The following SOX5 variants were observed in gnomAD, a reference collection of about 807,000 sequenced individuals.
The protein encoded by SOX5 is SRY-box transcription factor 5.
Under a neutral mutation model 92.0 loss-of-function variants are expected in SOX5, and 9 were observed. The observed-to-expected ratio is 0.10, with a 90% confidence interval of 0.06 to 0.17. The LOEUF is 0.17. Ranked by LOEUF, SOX5 falls within the 10% of genes least tolerant of loss-of-function variation. The pLI is 1.00. For synonymous variants in SOX5, 344 were observed against 336.3 expected (o/e 1.02, Z -0.25); for missense variants, 642 against 944.5 (o/e 0.68, Z 4.20).
At chr12:23,639,715 A>G (rs544727422) in intron 8 of SOX5, among the ~76,000 whole-genome samples, 27 of 152,328 alleles carry the variant, frequency 1.8e-4, no homozygotes, top group African/African-American at 5.8e-4. Context: ...ACCTCTGTAG[A>G]ACACAGTATG....
intron 3 of SOX5, among the ~76,000 whole-genome samples, chr12:23,774,657 A>C (rs2141611872): frequency 6.6e-6 from 1 of 152,294 alleles, no homozygotes; most frequent in African/African-American, 2.4e-5. Flanking sequence ...GCAAAGAGAG[A>C]AAGTAAAGGC....
At chr12:23,665,837 A>G (rs1008413033) in intron 6 of SOX5, among the ~76,000 whole-genome samples, 2 of 152,130 alleles carry the variant, frequency 1.3e-5, no homozygotes, top group Non-Finnish European at 2.9e-5. Flanking sequence ...CGAAAATATC[A>G]CTACTTTGCA....
At chr12:24,123,899 T>G (rs1454502581) in intron 4 of SOX5, among the ~76,000 whole-genome samples, 1 of 152,154 alleles carries the variant, frequency 6.6e-6, no homozygotes, top group Non-Finnish European at 1.5e-5. Context: ...TGGTAGGCGA[T>G]CCCAATCTCA....
intron 6 of SOX5, among the ~76,000 whole-genome samples, chr12:23,681,303 G>T (rs1332245687): frequency 6.6e-6 from 1 of 151,370 alleles, no homozygotes; most frequent in African/African-American, 2.4e-5. Context: ...CTGATAAATA[G>T]AAAATATAAA....
At chr12:24,293,555 T>C (rs1444125674) in intron 2 of SOX5, among the ~76,000 whole-genome samples, 1 of 152,034 alleles carries the variant, frequency 6.6e-6, no homozygotes, top group Admixed American at 6.5e-5. Context: ...GAGCAGAATA[T>C]CAACATATTA....
At chr12:24,402,892 T>A (rs911618141) in intron 1 of SOX5, among the ~76,000 whole-genome samples, 1 of 152,194 alleles carries the variant, frequency 6.6e-6, no homozygotes, top group Non-Finnish European at 1.5e-5. Context: ...AATCTCTTAG[T>A]TCCTAAAGCT....
intron 3 of SOX5, among the ~76,000 whole-genome samples, chr12:23,820,607 A>G (rs35698530): frequency 6.8e-4 from 104 of 152,174 alleles, no homozygotes; most frequent in Non-Finnish European, 1.0e-3. Context: ...TGTATAAAGT[A>G]TAGGGAAGGG....
chr12:23,906,901 T>C (rs1308213198), intron 1 of SOX5, among the ~76,000 whole-genome samples: 2 of 150,912 alleles, frequency 1.3e-5, no homozygotes, highest in Non-Finnish European at 2.9e-5. Flanking sequence ...ATGGTTGCCA[T>C]ATGTATAAAT....
intron 4 of SOX5, among the ~76,000 whole-genome samples, chr12:23,998,658 C>T (rs199722599): frequency 6.6e-5 from 10 of 151,494 alleles, no homozygotes; most frequent in East Asian, 1.9e-4. Context: ...AAAAATTAGC[C>T]GGGCATGGTG....
intron 2 of SOX5, among the ~76,000 whole-genome samples, chr12:24,297,517 C>T (rs1947408486): frequency 6.6e-6 from 1 of 152,198 alleles, no homozygotes; most frequent in African/African-American, 2.4e-5. Flanking sequence ...GTAAAATTCC[C>T]ACTCTCTTCC....
intron 1 of SOX5, among the ~76,000 whole-genome samples, chr12:23,932,209 C>T (rs1160790730): frequency 3.3e-5 from 5 of 151,552 alleles, no homozygotes; most frequent in Non-Finnish European, 5.9e-5. Flanking sequence ...CTGAATCTAA[C>T]CATGAGGATA....
At chr12:23,838,945 T>C (rs2096475999) in intron 3 of SOX5, among the ~76,000 whole-genome samples, 1 of 150,008 alleles carries the variant, frequency 6.7e-6, no homozygotes, top group South Asian at 2.1e-4. Context: ...GTTCAAGCGA[T>C]TCTCCTACCT....
chr12:24,323,622 C>T (rs1283310033), intron 2 of SOX5, among the ~76,000 whole-genome samples: 1 of 151,904 alleles, frequency 6.6e-6, no homozygotes, highest in African/African-American at 2.4e-5. Flanking sequence ...TAAAAATGCC[C>T]TTCTAATTGC....
chr12:23,820,739 G>T (rs540072018), intron 3 of SOX5, among the ~76,000 whole-genome samples: 1 of 152,046 alleles, frequency 6.6e-6, no homozygotes, highest in African/African-American at 2.4e-5. Context: ...TTGTAGATGC[G>T]TGGTATTATT....
At chr12:23,834,543 T>C (rs922605923) in intron 3 of SOX5, among the ~76,000 whole-genome samples, 3 of 151,898 alleles carry the variant, frequency 2.0e-5, no homozygotes, top group Non-Finnish European at 4.4e-5. Flanking sequence ...AGTTGGACAT[T>C]TGTTAAGGTC....
intron 2 of SOX5, among the ~76,000 whole-genome samples, chr12:24,306,399 G>A (rs1221476441): frequency 1.3e-5 from 2 of 152,230 alleles, no homozygotes; most frequent in African/African-American, 2.4e-5. Context: ...CCACCGAAGT[G>A]TGGACTGGGG....
At chr12:24,140,310 T>C (rs933700599) in intron 4 of SOX5, among the ~76,000 whole-genome samples, 2 of 152,066 alleles carry the variant, frequency 1.3e-5, no homozygotes, top group Non-Finnish European at 2.9e-5. Flanking sequence ...AGGGATCTGT[T>C]GGAAGGATAA....
At chr12:23,657,882 T>C (rs923754620) in intron 7 of SOX5, among the ~76,000 whole-genome samples, 2 of 152,232 alleles carry the variant, frequency 1.3e-5, no homozygotes, top group African/African-American at 4.8e-5. Context: ...AGGTTTAAAA[T>C]GAATGACATT....
At chr12:24,478,342 A>G (rs867272238) in intron 1 of SOX5, among the ~76,000 whole-genome samples, 62 of 152,124 alleles carry the variant, frequency 4.1e-4, no homozygotes, top group African/African-American at 1.4e-3. Flanking sequence ...TACTTTTCTC[A>G]TTTTATTATT....
Sources: allele counts gnomAD v4.1 joint callset (sites outside exome capture counted in the v4.1 genomes callset), GRCh38; gene constraint gnomAD v4.1.1; transcripts MANE v1.5; gene names NCBI Gene and HGNC (gene_info 2026-07-23, HGNC 2026-07-21).